EYA2: variants seen among roughly 807,000 people sequenced by gnomAD.
EYA2 encodes the protein protein phosphatase EYA2.
EYA2 carries 31 observed loss-of-function variants against 69.2 expected under a neutral mutation model. That is an observed-to-expected ratio of 0.45 (90% confidence interval 0.34 to 0.60). The LOEUF is 0.60. Among genes scored for constraint, EYA2 ranks in the 20% least tolerant of loss-of-function variants. EYA2 has a pLI of 0.02. For missense variants in EYA2, 622 were observed against 701.2 expected (o/e 0.89, Z 1.28); for synonymous variants, 257 against 279.4 (o/e 0.92, Z 0.80).
rs182315273 is a variant in EYA2 at position 47,052,900 on chromosome 20, C to A, written c.416-19285C>A. Among the ~76,000 whole-genome samples the A allele has an allele frequency of 3.1e-3, 467 of 152,280 alleles. 2 individuals are homozygous for A. Among genetic ancestry groups the A allele is most frequent in the African/African-American group, 0.011 (443 of 41,552 alleles). ...CAGCCTCCCAAACGGGCTTCTATTT[C>A]TTTTATCCACATTCACAGTATAAGA... On this transcript the variant is annotated intron_variant, in intron 5 of 15. Coordinates refer to ENST00000327619, the MANE Select transcript of EYA2 (RefSeq NM_005244.5).
chr20:47,085,857 C>T (rs2031878037), intron 7 of EYA2, among the ~76,000 whole-genome samples: 1 of 152,078 alleles, frequency 6.6e-6, no homozygotes, highest in African/African-American at 2.4e-5. Context: ...AAGAGCTTAT[C>T]CAAAGGGATA....
At chr20:47,177,143 C>T (rs867370546) in intron 12 of EYA2, among the ~76,000 whole-genome samples, 1 of 151,864 alleles carries the variant, frequency 6.6e-6, no homozygotes, top group African/African-American at 2.4e-5. Flanking sequence ...GACTGGGTCT[C>T]ACTCTGTTTC....
At chr20:46,943,625 A>G (rs1986245115) in intron 1 of EYA2, among the ~76,000 whole-genome samples, 1 of 152,190 alleles carries the variant, frequency 6.6e-6, no homozygotes, top group Non-Finnish European at 1.5e-5. Flanking sequence ...TGTAGCATGT[A>G]GTTCTTCCAG....
At chr20:46,903,166 T>C (rs1224727174) in intron 1 of EYA2, among the ~76,000 whole-genome samples, 1 of 152,192 alleles carries the variant, frequency 6.6e-6, no homozygotes, top group East Asian at 1.9e-4. Flanking sequence ...AAATCCAGCA[T>C]CTCCGGTAGG....
intron 1 of EYA2, among the ~76,000 whole-genome samples, chr20:46,968,289 C>A (rs1206579148): frequency 6.6e-6 from 1 of 152,218 alleles, no homozygotes; most frequent in Non-Finnish European, 1.5e-5. Context: ...ATATCTGCAC[C>A]TTTTACTGTA....
intron 5 of EYA2, among the ~76,000 whole-genome samples, chr20:47,067,122 G>A (rs1030795092): frequency 2.4e-4 from 37 of 152,212 alleles, no homozygotes; most frequent in African/African-American, 8.7e-4. Context: ...GACTATTTTG[G>A]AGAAAGCATA....
intron 15 of EYA2, among the ~76,000 whole-genome samples, chr20:47,185,053 G>A (rs951654914): frequency 2.0e-5 from 3 of 152,076 alleles, no homozygotes; most frequent in Non-Finnish European, 4.4e-5. Context: ...CCAGGCCACC[G>A]GAAATCTGAG....
chr20:47,072,072 C>A, intron 5 of EYA2, 113 bp from the exon 6 acceptor site: 3 of 946,778 alleles, frequency 3.2e-6, no homozygotes, highest in East Asian at 2.4e-5. Flanking sequence ...AGCTTCTGCC[C>A]AGCTGTCACC....
chr20:46,995,625 C>T (rs1288244865), intron 2 of EYA2, among the ~76,000 whole-genome samples: 1 of 152,228 alleles, frequency 6.6e-6, no homozygotes, highest in East Asian at 1.9e-4. Context: ...AGAGACCTGC[C>T]TGGAGACATC....
At chr20:47,144,464 C>G (rs2033663211) in intron 10 of EYA2, among the ~76,000 whole-genome samples, 1 of 151,932 alleles carries the variant, frequency 6.6e-6, no homozygotes, top group Non-Finnish European at 1.5e-5. Context: ...CTGGAATATC[C>G]CTGGGGACTA....
At chr20:46,967,096 T>C (rs3091652) in intron 1 of EYA2, among the ~76,000 whole-genome samples, 151,570 of 152,292 alleles carry the variant, frequency 1, 75,428 homozygotes, top group Middle Eastern at 1. Context: ...AAGGTTCAAG[T>C]GATTCTCGTG....
intron 7 of EYA2, among the ~76,000 whole-genome samples, chr20:47,082,921 C>T (rs1291325505): frequency 2.0e-5 from 3 of 151,912 alleles, no homozygotes; most frequent in Non-Finnish European, 4.4e-5. Context: ...AGGTTGGGTG[C>T]CGTGGCTCGT....
intron 1 of EYA2, among the ~76,000 whole-genome samples, chr20:46,941,314 C>T (rs898385692): frequency 6.6e-6 from 1 of 152,240 alleles, no homozygotes; most frequent in Non-Finnish European, 1.5e-5. Flanking sequence ...TTCAGTTTCC[C>T]TCAAGGTCTA....
At chr20:47,082,141 A>G (rs184670229) in intron 7 of EYA2, among the ~76,000 whole-genome samples, 25 of 152,218 alleles carry the variant, frequency 1.6e-4, no homozygotes, top group Non-Finnish European at 2.2e-4. Context: ...TGCCCAGCCA[A>G]CCCTGCCAAT....
chr20:47,179,661 G>A, intron 12 of EYA2, 137 bp from the exon 13 acceptor site: 1 of 598,532 alleles, frequency 1.7e-6, no homozygotes, highest in Non-Finnish European at 3.0e-6. Context: ...ATTGAGAGAA[G>A]CCACTGGATT....
rs899352785 is a variant in EYA2 at position 47,010,557 on chromosome 20, A to T, written c.298+5473A>T. 7.9e-5 allele frequency among the ~76,000 whole-genome samples: 12 copies of T among 152,052 alleles called. No individual in the cohort carries two copies. The East Asian group carries it at 2.1e-3, about 27-fold the overall frequency. On this transcript the variant is annotated intron_variant, in intron 4 of 15. Transcript: ENST00000327619. ...GGTGGGAGGATCACTTGAGCCTGGG[A>T]GGTCGAGGCTGCAGTGAACTGTGAG...
At chr20:47,030,112 T>C (rs1421966037) in intron 5 of EYA2, among the ~76,000 whole-genome samples, 1 of 152,200 alleles carries the variant, frequency 6.6e-6, no homozygotes. Flanking sequence ...GTGGGTTGGA[T>C]TTGGCTGAGC....
At chr20:46,924,262 G>A (rs1288116085) in intron 1 of EYA2, among the ~76,000 whole-genome samples, 1 of 152,156 alleles carries the variant, frequency 6.6e-6, no homozygotes, top group Non-Finnish European at 1.5e-5. Flanking sequence ...AGGCTGGGAA[G>A]GACTAAAGTT....
intron 1 of EYA2, among the ~76,000 whole-genome samples, chr20:46,944,821 G>A (rs1410925891): frequency 6.6e-6 from 1 of 152,112 alleles, no homozygotes; most frequent in East Asian, 1.9e-4. Flanking sequence ...TTTAAAAAGA[G>A]GCCACATGTT....
Sources: allele counts gnomAD v4.1 joint callset (sites outside exome capture counted in the v4.1 genomes callset), GRCh38; gene constraint gnomAD v4.1.1; transcripts MANE v1.5; gene names NCBI Gene and HGNC (gene_info 2026-07-23, HGNC 2026-07-21).